The following CUX2 variants were observed in gnomAD, a reference collection of about 807,000 sequenced individuals.
CUX2 encodes the protein homeobox protein cut-like 2.
Under a neutral mutation model 144.8 loss-of-function variants are expected in CUX2, and 40 were observed. The ratio of observed to expected loss-of-function variants is 0.28; its 90% confidence interval spans 0.21 to 0.36. CUX2 has a LOEUF of 0.36. Among genes scored for constraint, CUX2 ranks in the 10% least tolerant of loss-of-function variants. The pLI, the probability that CUX2 is intolerant of heterozygous loss-of-function variation, is 1.00. For missense variants in CUX2, 1,615 were observed against 1,994.0 expected, an observed-to-expected ratio of 0.81 and a Z score of 3.62; for synonymous variants, 827 against 875.6, an observed-to-expected ratio of 0.94 and a Z score of 0.98.
intron 1 of CUX2, among the ~76,000 whole-genome samples, chr12:111,036,349 G>C (rs904834182): frequency 6.6e-6 from 1 of 152,170 alleles, no homozygotes; most frequent in Non-Finnish European, 1.5e-5. Flanking sequence ...CTGAGGGGAG[G>C]GTGCGGCTCC....
Position 111,341,838 on chromosome 12 carries a change from C to T in CUX2, c.3444C>T (p.Ala1148=), listed in dbSNP as rs1888592236. 2.5e-6 allele frequency: 4 copies of T among 1,613,314 alleles called. No homozygotes were observed. Among genetic ancestry groups the T allele is most frequent in the Admixed American group, 1.7e-5 (1 of 59,966 alleles). The change falls in exon 21 of 22, where the codon GCC becomes GCT. Residue 1148 remains alanine (A), a synonymous_variant. Coordinates refer to ENST00000261726, the MANE Select transcript of CUX2 (RefSeq NM_015267.4). ...CCGGCTCAGACAGTGAGTCCCCGGC[C>T]ACCCGCTCAGAGTGCCCCAGCCCCT... is the stretch of plus-strand genomic sequence containing the variant. ...ISTGSDSESP[A]TRSECPSPCL...
intron 1 of CUX2, among the ~76,000 whole-genome samples, chr12:111,134,341 G>A (rs963747891): frequency 4.6e-5 from 7 of 152,230 alleles, no homozygotes; most frequent in South Asian, 2.1e-4. Context: ...ATCAGTGGTT[G>A]ATTTGGAATA....
chr12:111,081,880 C>T (rs1871913909), intron 1 of CUX2, among the ~76,000 whole-genome samples: 1 of 152,062 alleles, frequency 6.6e-6, no homozygotes. Flanking sequence ...ACTGTAAGAC[C>T]ACTTTGCCTG....
chr12:111,042,055 T>C (rs1347906179), intron 1 of CUX2, among the ~76,000 whole-genome samples: 1 of 152,160 alleles, frequency 6.6e-6, no homozygotes, highest in African/African-American at 2.4e-5. Flanking sequence ...TTCCAGGATA[T>C]GCATTTGCCA....
At chr12:111,050,298 C>G (rs1275505960) in intron 1 of CUX2, among the ~76,000 whole-genome samples, 1 of 152,156 alleles carries the variant, frequency 6.6e-6, no homozygotes, top group African/African-American at 2.4e-5. Context: ...CAAGGTCCAT[C>G]TCTTCTCACT....
Position 111,334,557 on chromosome 12 carries a change from C to G in CUX2, c.3043C>G (p.Pro1015Ala). The G allele has an allele frequency of 6.2e-7, 1 of 1,613,946 alleles. No homozygotes were observed. The highest frequency in any genetic ancestry group is 8.5e-7 in the Non-Finnish European group (1 of 1,180,002). Residue 1015 changes from proline (P) to alanine (A), a missense_variant, in exon 19 of 22, where the codon CCA (proline) becomes GCA (alanine). By Grantham distance (27) the Pro-to-Ala change is conservative. This residue lies in a region of CUX2 where 128 missense variants were observed against 124.4 expected (regional missense o/e 1.03). Transcript: ENST00000261726. ...SLESSKENQQ[P>A]EGRSSSSLSG... Reference sequence around the variant, plus strand: ...GGAGAGCAGCAAGGAGAACCAGCAGCCAGAGGGCCGCTCCAGCTCCTCGTT... The same window carrying G: ...GGAGAGCAGCAAGGAGAACCAGCAGGCAGAGGGCCGCTCCAGCTCCTCGTT...
At chr12:111,221,735 A>C (rs1015819312) in intron 3 of CUX2, among the ~76,000 whole-genome samples, 1 of 152,018 alleles carries the variant, frequency 6.6e-6, no homozygotes, top group African/African-American at 2.4e-5. Context: ...GAATCTGGGC[A>C]TACTTCTTAT....
At chr12:111,135,795 G>A (rs1477446661) in intron 1 of CUX2, among the ~76,000 whole-genome samples, 1 of 152,216 alleles carries the variant, frequency 6.6e-6, no homozygotes, top group Non-Finnish European at 1.5e-5. Context: ...CATAGAGACA[G>A]AAAGCAGATT....
chr12:111,329,146 CA>C (rs1392069291), intron 18 of CUX2, among the ~76,000 whole-genome samples: 2 of 150,732 alleles, frequency 1.3e-5, no homozygotes, highest in Non-Finnish European at 1.5e-5. Context: ...CTTATCTCTC[CA>C]GGAGAGAGAG....
intron 1 of CUX2, among the ~76,000 whole-genome samples, chr12:111,134,594 T>TTCTCTC (rs370486043): frequency 0.011 from 1,584 of 144,238 alleles, 14 homozygotes; most frequent in Non-Finnish European, 0.018. Flanking sequence ...TAAGATCTCT[T>TTCTCTC]TCTCTCTCTC....
intron 4 of CUX2, among the ~76,000 whole-genome samples, chr12:111,288,735 G>A (rs1019784518): frequency 6.6e-6 from 1 of 152,142 alleles, no homozygotes; most frequent in Non-Finnish European, 1.5e-5. Context: ...GGCCAAGGTG[G>A]GTGGATCACC....
chr12:111,206,975 T>A (rs563810979), intron 1 of CUX2, among the ~76,000 whole-genome samples: 1 of 152,292 alleles, frequency 6.6e-6, no homozygotes, highest in East Asian at 1.9e-4. Context: ...GGTGGTTGGA[T>A]GGGTGGATGT....
intron 1 of CUX2, among the ~76,000 whole-genome samples, chr12:111,146,886 C>A (rs1876711691): frequency 6.6e-6 from 1 of 152,148 alleles, no homozygotes; most frequent in African/African-American, 2.4e-5. Flanking sequence ...GTAATCCCAG[C>A]ACCTTGGGAG....
At chr12:111,276,074 C>T (rs1050598628) in intron 4 of CUX2, among the ~76,000 whole-genome samples, 17 of 152,014 alleles carry the variant, frequency 1.1e-4, no homozygotes, top group African/African-American at 3.4e-4. Context: ...TGAGTCAGCC[C>T]GGGCACACTA....
chr12:111,252,280 C>T (rs976851669), intron 3 of CUX2, among the ~76,000 whole-genome samples: 4 of 152,230 alleles, frequency 2.6e-5, no homozygotes, highest in Non-Finnish European at 5.9e-5. Context: ...GCCCATAGCC[C>T]AGCACCTTCA....
chr12:111,196,581 T>A (rs1008080025), intron 1 of CUX2, among the ~76,000 whole-genome samples: 5 of 152,088 alleles, frequency 3.3e-5, no homozygotes. Flanking sequence ...AAGAAATGAA[T>A]GGCAGGTGGG....
At chr12:111,308,105 G>T (rs748028607) in intron 12 of CUX2, among the ~76,000 whole-genome samples, 180 bp from the exon 13 acceptor site, 7 of 152,186 alleles carry the variant, frequency 4.6e-5, no homozygotes, top group Admixed American at 2.6e-4. Flanking sequence ...AGGTAACATC[G>T]CCACCTGTTA....
rs1388040856 is a variant in CUX2 at position 111,320,562 on chromosome 12, G to A, written c.2553G>A (p.Glu851=). 1.3e-6 allele frequency: 2 copies of A among 1,532,644 alleles called. No homozygotes were observed. The highest frequency in any genetic ancestry group is 2.0e-5 in the Admixed American group (1 of 49,876). 94.9% of individuals were successfully genotyped at this position (1,532,644 alleles called of 1,614,324 possible). The change falls in exon 17 of 22, where the codon GAG becomes GAA. Residue 851 remains glutamate (E), a synonymous_variant. Transcript: ENST00000261726. The surrounding 1 kb of genome is among the most constrained non-coding windows in gnomAD (Gnocchi z 8.1). ...AGGACGAACCCCCCAGGACGGGCGA[G>A]CTCAAGGCTGAGGGCGCGACGGCCG... The part of the protein sequence containing the change: ...GAEDEPPRTG[E]LKAEGATAEA...
rs1879526827 is a variant in CUX2 at position 111,186,352 on chromosome 12, C to A, written c.64-27848C>A. On this transcript the variant is annotated intron_variant, in intron 1 of 21. Transcript: ENST00000261726. This position sits in a 1 kb window ranked among gnomAD's most constrained non-coding sequence, Gnocchi z 4.4. Reference sequence around the variant, plus strand: ...AGGCCCCTGCCTTCAGGGGTGGACACTCCATGGGGGACGCAGGTGCTGAGA... The same window carrying A: ...AGGCCCCTGCCTTCAGGGGTGGACAATCCATGGGGGACGCAGGTGCTGAGA... Among the ~76,000 whole-genome samples the A allele has an allele frequency of 1.3e-5, 2 of 152,286 alleles. No homozygotes were observed. The highest frequency in any genetic ancestry group is 4.1e-4 in the South Asian group (2 of 4,824).
Sources: gnomAD v4.1 joint callset for allele counts (sites outside exome capture counted in the v4.1 genomes callset) on GRCh38, gnomAD v4.1.1 for gene constraint, gnomAD v4.1.1 regional missense constraint, Gnocchi (gnomAD v3.1) non-coding constraint, MANE v1.5 for transcripts, NCBI Gene and HGNC (gene_info 2026-07-23, HGNC 2026-07-21) for gene names.